RBFOX3: variants seen among roughly 807,000 people sequenced by gnomAD.
The protein encoded by RBFOX3 is RNA binding protein fox-1 homolog 3.
In RBFOX3, 17 loss-of-function variants were observed where a neutral mutation model predicts 48.7. The observed-to-expected ratio is 0.35, with a 90% CI of 0.24 to 0.52. RBFOX3 has a LOEUF of 0.52. Among genes scored for constraint, RBFOX3 ranks in the 20% least tolerant of loss-of-function variants. The pLI is 0.94. For missense variants in RBFOX3, 382 were observed against 497.5 expected (o/e 0.77, Z 2.21); for synonymous variants, 212 against 209.5 (o/e 1.01, Z -0.10).
chr17:79,647,814 A>AC, the RBFOX3 span, among the ~76,000 whole-genome samples: 1 of 151,394 alleles, frequency 6.6e-6, no homozygotes, highest in African/African-American at 2.4e-5. Context: ...ACCCTGCCCC[A>AC]CCCCCAACTC....
chr17:79,405,312 T>C (rs1216360198), intron 2 of RBFOX3, among the ~76,000 whole-genome samples: 2 of 152,192 alleles, frequency 1.3e-5, no homozygotes, highest in African/African-American at 4.8e-5. Context: ...TAGTTTATTA[T>C]TTTTGATGCA....
At chr17:79,309,183 T>C (rs2076502022) in intron 2 of RBFOX3, among the ~76,000 whole-genome samples, 1 of 151,896 alleles carries the variant, frequency 6.6e-6, no homozygotes, top group African/African-American at 2.4e-5. Flanking sequence ...CCCAGCCCAC[T>C]AAGACAGAGC....
intron 2 of RBFOX3, among the ~76,000 whole-genome samples, chr17:79,425,607 G>C (rs1351252083): frequency 4.6e-5 from 7 of 152,266 alleles, no homozygotes; most frequent in African/African-American, 1.7e-4. Flanking sequence ...TTCCAAGGTA[G>C]ACCCTGCTGA....
intron 1 of RBFOX3, among the ~76,000 whole-genome samples, chr17:79,608,043 G>A (rs2145497373): frequency 6.6e-6 from 1 of 152,332 alleles, no homozygotes; most frequent in South Asian, 2.1e-4. Flanking sequence ...GTCCTCAGCA[G>A]CCTGAGGGCG....
chr17:79,267,698 ACT>A (rs1163226456), intron 3 of RBFOX3, among the ~76,000 whole-genome samples: 1 of 151,926 alleles, frequency 6.6e-6, no homozygotes, highest in Non-Finnish European at 1.5e-5. Flanking sequence ...GCCCCATGTC[ACT>A]CTCTATGGAG....
chr17:79,379,957 G>C (rs2059690129), intron 2 of RBFOX3, among the ~76,000 whole-genome samples: 1 of 152,110 alleles, frequency 6.6e-6, no homozygotes, highest in Non-Finnish European at 1.5e-5. Context: ...CCTTGGTACA[G>C]CTTCTCCCTC....
rs901991617 is a variant in RBFOX3 at position 79,390,403 on chromosome 17, C to T, written c.-174-82579G>A. ...GGTTCCAGCTCATTCGGGGCTCAGC[C>T]CCATCTGCCCACTTTGGTGCTGGAA... On this transcript the variant is annotated intron_variant, in intron 2 of 14. Transcript: ENST00000693108. The surrounding 1 kb of genome is among the most constrained non-coding windows in gnomAD (Gnocchi z 4.2). Among the ~76,000 whole-genome samples, 1 of 152,210 alleles carries T rather than the reference C, an allele frequency of 6.6e-6. No homozygotes were observed. The highest frequency in any genetic ancestry group is 2.4e-5 in the African/African-American group (1 of 41,440).
intron 1 of RBFOX3, among the ~76,000 whole-genome samples, chr17:79,576,503 A>G (rs2092864865): frequency 6.8e-6 from 1 of 146,478 alleles, no homozygotes; most frequent in Admixed American, 6.7e-5. Context: ...AGATGATGGA[A>G]AAGTTGGAGA....
At chr17:79,633,435 AG>A in the RBFOX3 span, among the ~76,000 whole-genome samples, 4 of 152,218 alleles carry the variant, frequency 2.6e-5, no homozygotes, top group African/African-American at 9.6e-5. Flanking sequence ...TGTCCACCGT[AG>A]GGAGGTGGGC....
At chr17:79,219,548 C>T (rs997391167) in intron 4 of RBFOX3, among the ~76,000 whole-genome samples, 2 of 152,130 alleles carry the variant, frequency 1.3e-5, no homozygotes, top group Non-Finnish European at 2.9e-5. Context: ...TGGTACTGCC[C>T]CTTCAGGCCT....
chr17:79,356,755 T>C, intron 2 of RBFOX3, among the ~76,000 whole-genome samples: 1 of 152,124 alleles, frequency 6.6e-6, no homozygotes, highest in East Asian at 1.9e-4. Context: ...ATTTCTTTCC[T>C]AAAATATGTC....
intron 2 of RBFOX3, among the ~76,000 whole-genome samples, chr17:79,394,430 C>A (rs572188051): frequency 6.6e-6 from 1 of 152,232 alleles, no homozygotes; most frequent in African/African-American, 2.4e-5. Context: ...GTTCATCTTA[C>A]CCCCTGGAAA....
intron 3 of RBFOX3, among the ~76,000 whole-genome samples, chr17:79,241,399 C>T (rs951181560): frequency 1.3e-5 from 2 of 152,198 alleles, no homozygotes; most frequent in African/African-American, 4.8e-5. Flanking sequence ...CATTTTGGGA[C>T]ATCTCTTCTT....
chr17:79,493,882 C>T (rs1405867627), intron 1 of RBFOX3, among the ~76,000 whole-genome samples: 1 of 152,138 alleles, frequency 6.6e-6, no homozygotes, highest in East Asian at 1.9e-4. Flanking sequence ...CAGTAGGGCT[C>T]CTTGGCTCTG....
At chr17:79,501,547 C>T (rs2082388974) in intron 1 of RBFOX3, among the ~76,000 whole-genome samples, 1 of 152,206 alleles carries the variant, frequency 6.6e-6, no homozygotes, top group Non-Finnish European at 1.5e-5. Flanking sequence ...TTTGAACCTG[C>T]AAGAGCCGAG....
intron 4 of RBFOX3, among the ~76,000 whole-genome samples, chr17:79,116,115 G>A (rs923308603): frequency 1.3e-5 from 2 of 152,198 alleles, no homozygotes; most frequent in Admixed American, 6.5e-5. Context: ...ACAGTGATCT[G>A]TACACCTTGT....
rs762951782 is a variant in RBFOX3, at chr17:79,095,506, G to A, written c.998+7C>T. 9 of 1,550,928 alleles carry A rather than the reference G, an allele frequency of 5.8e-6. No homozygotes were observed. Among genetic ancestry groups the A allele is most frequent in the East Asian group, 4.9e-5 (2 of 40,912 alleles). ...TGCTCCAGAACAGTGCTGGCCCCCG[G>A]CCTCACCTGTCGCTGTAGGCTGCCG... On this transcript the variant is annotated splice_region_variant and intron_variant, in intron 13 of 14. Transcript: ENST00000693108.
the RBFOX3 span, among the ~76,000 whole-genome samples, chr17:79,628,454 C>T: frequency 3.3e-5 from 5 of 152,268 alleles, no homozygotes; most frequent in East Asian, 1.9e-4. Context: ...ATCACAAGGC[C>T]GCAGAGTCCT....
At chr17:79,446,611 C>A (rs1265070942) in intron 2 of RBFOX3, among the ~76,000 whole-genome samples, 1 of 152,236 alleles carries the variant, frequency 6.6e-6, no homozygotes, top group East Asian at 1.9e-4. Flanking sequence ...CTGCCCATTT[C>A]CACGGCAATG....
Sources: allele counts gnomAD v4.1 joint callset (sites outside exome capture counted in the v4.1 genomes callset), GRCh38; gene constraint gnomAD v4.1.1; non-coding constraint Gnocchi (gnomAD v3.1); transcripts MANE v1.5; gene names NCBI Gene and HGNC (gene_info 2026-07-23, HGNC 2026-07-21).